Variants in ZNF469 observed in about 807,000 individuals in gnomAD.
ZNF469 encodes the protein zinc finger protein 469.
Under a neutral mutation model 1.0 loss-of-function variants are expected in ZNF469, and 1 was observed. The ratio of observed to expected loss-of-function variants is 1.00; its 90% CI spans 0.35 to 4.73. The LOEUF is 4.73. Ranked by LOEUF, ZNF469 falls within the 30% of genes most tolerant of loss-of-function variation. The pLI is 0.16. For synonymous variants in ZNF469, 2,703 were observed against 2,363.4 expected, an observed-to-expected ratio of 1.14 and a Z score of -4.17; for missense variants, 6,100 against 5,356.3, an observed-to-expected ratio of 1.14 and a Z score of -4.33.
In ZNF469 at chr16:88,430,670, G is replaced by C; in HGVS notation, c.3200G>C (p.Arg1067Pro). 6.7e-7 allele frequency: 1 copy of C among 1,494,704 alleles called. No homozygotes were observed. The highest frequency in any genetic ancestry group is 8.9e-7 in the Non-Finnish European group (1 of 1,129,168). 92.6% of individuals were successfully genotyped at this position (1,494,704 alleles called of 1,614,324 possible). A position where few individuals can be genotyped will look rare whatever the true frequency, so the allele number is the denominator to read the frequency against. Residue 1067 changes from arginine to proline, a missense_variant, in exon 3 of 3, where the codon CGG (arginine) becomes CCG (proline). Coordinates refer to ENST00000565624, the MANE Select transcript of ZNF469 (RefSeq NM_001367624.2). Reference sequence around the variant, plus strand: ...AACAGGCGCCACCGGCGGCTGGGGCGGCGGGCGGGCAGGTGCGGCTCCCTG... The same window carrying C: ...AACAGGCGCCACCGGCGGCTGGGGCCGCGGGCGGGCAGGTGCGGCTCCCTG... ...QKNRRHRRLG[R>P]RAGRCGSLAA...
intron 1 of ZNF469, among the ~76,000 whole-genome samples, chr16:88,395,296 T>G (rs1904626756): frequency 7.9e-6 from 1 of 126,710 alleles, no homozygotes. Context: ...GGTGGATGGA[T>G]TGATGGGTTG....
the ZNF469 span, among the ~76,000 whole-genome samples, chr16:88,112,403 G>C: frequency 1.3e-5 from 2 of 152,160 alleles, no homozygotes; most frequent in Admixed American, 6.5e-5. Flanking sequence ...TCCCACCAAC[G>C]GGGTACGAGG....
chr16:88,354,217 G>A, the ZNF469 span, among the ~76,000 whole-genome samples: 2 of 152,186 alleles, frequency 1.3e-5, no homozygotes, highest in African/African-American at 2.4e-5. Flanking sequence ...CGCAGGAGCC[G>A]CCAGCATTTG....
chr16:88,340,044 AG>A, the ZNF469 span, among the ~76,000 whole-genome samples: 1 of 152,024 alleles, frequency 6.6e-6, no homozygotes, highest in Non-Finnish European at 1.5e-5. Flanking sequence ...TTTAAGCAAG[AG>A]CAGTGCCAGG....
At chr16:88,308,065 G>T in the ZNF469 span, among the ~76,000 whole-genome samples, 1 of 152,208 alleles carries the variant, frequency 6.6e-6, no homozygotes, top group Admixed American at 6.5e-5. Flanking sequence ...ATATCCACTA[G>T]GCCCAATACC....
the ZNF469 span, among the ~76,000 whole-genome samples, chr16:88,258,761 C>T: frequency 6.6e-6 from 1 of 152,154 alleles, no homozygotes; most frequent in East Asian, 1.9e-4. Context: ...AAACGCAGCC[C>T]CAGCCTCATG....
At chr16:88,270,675 G>A in the ZNF469 span, among the ~76,000 whole-genome samples, 1 of 152,220 alleles carries the variant, frequency 6.6e-6, no homozygotes, top group African/African-American at 2.4e-5. Flanking sequence ...CACTCCACGG[G>A]AAAATTCTCC....
At chr16:88,199,119 C>T in the ZNF469 span, among the ~76,000 whole-genome samples, 2 of 152,160 alleles carry the variant, frequency 1.3e-5, no homozygotes, top group African/African-American at 4.8e-5. Flanking sequence ...AGATGTCAGA[C>T]CGCAGCTGAG....
chr16:88,150,917 G>A, the ZNF469 span, among the ~76,000 whole-genome samples: 1 of 152,144 alleles, frequency 6.6e-6, no homozygotes, highest in Admixed American at 6.5e-5. Flanking sequence ...GTAGAGGCAG[G>A]GGTTTGAATT....
At chr16:88,249,241 A>T in the ZNF469 span, among the ~76,000 whole-genome samples, 1 of 151,476 alleles carries the variant, frequency 6.6e-6, no homozygotes, top group Non-Finnish European at 1.5e-5. Flanking sequence ...AAAAAAAGAA[A>T]GAAAGAAATG....
the ZNF469 span, among the ~76,000 whole-genome samples, chr16:88,344,264 G>T: frequency 7.0e-6 from 1 of 143,006 alleles, no homozygotes; most frequent in East Asian, 2.3e-4. Context: ...CGATGGGGGG[G>T]CGGGTTCCGA....
the ZNF469 span, among the ~76,000 whole-genome samples, chr16:88,193,132 A>T: frequency 1.4e-4 from 2 of 14,538 alleles, no homozygotes; most frequent in African/African-American, 2.9e-4. Context: ...GGTGGTGGTG[A>T]TGGTGGTGAT....
chr16:88,209,632 C>T, the ZNF469 span, among the ~76,000 whole-genome samples: 227 of 152,238 alleles, frequency 1.5e-3, no homozygotes, highest in African/African-American at 5.3e-3. Context: ...GTTTTATTTC[C>T]CCTTTCTTTT....
Position 88,437,655 on chromosome 16 carries a change from G to A in ZNF469, c.10185G>A (p.Glu3395=). The A allele has an allele frequency of 6.5e-7, 1 of 1,545,822 alleles. No individual in the cohort carries two copies. The highest frequency in any genetic ancestry group is 8.7e-7 in the Non-Finnish European group (1 of 1,143,714). Residue 3395 remains glutamate (E), a synonymous_variant, in exon 3 of 3, where the codon GAG becomes GAA. Transcript: ENST00000565624. Reference sequence around the variant, plus strand: ...CGCACGGGCTGCTGGAGCGGCCGGAGCTGCAGCACACGCCGCTGTATGCCT... The same window carrying A: ...CGCACGGGCTGCTGGAGCGGCCGGAACTGCAGCACACGCCGCTGTATGCCT... ...GGAHGLLERP[E]LQHTPLYACE...
chr16:88,414,887 G>T (rs1905264806), intron 1 of ZNF469, among the ~76,000 whole-genome samples: 1 of 152,242 alleles, frequency 6.6e-6, no homozygotes, highest in South Asian at 2.1e-4. Flanking sequence ...GGGCGGGGCA[G>T]AGGGGAGCAC....
At chr16:88,173,872 A>G in the ZNF469 span, among the ~76,000 whole-genome samples, 1 of 152,218 alleles carries the variant, frequency 6.6e-6, no homozygotes, top group African/African-American at 2.4e-5. Flanking sequence ...AGGATAAAAG[A>G]GAATCATTAA....
At chr16:88,419,701 C>T (rs1181985954) in intron 1 of ZNF469, among the ~76,000 whole-genome samples, 3 of 152,214 alleles carry the variant, frequency 2.0e-5, no homozygotes, top group African/African-American at 7.2e-5. Context: ...AACGTTCCTC[C>T]AACAGCCAGG....
the ZNF469 span, among the ~76,000 whole-genome samples, chr16:88,253,597 G>T: frequency 3.3e-5 from 5 of 150,902 alleles, no homozygotes; most frequent in African/African-American, 1.2e-4. Flanking sequence ...CAGTGTAATG[G>T]AGTGATCTCG....
the ZNF469 span, among the ~76,000 whole-genome samples, chr16:88,266,841 C>T: frequency 6.6e-6 from 1 of 152,218 alleles, no homozygotes; most frequent in Non-Finnish European, 1.5e-5. Context: ...CAGTGTCGTG[C>T]CCTGAGTACT....
Sources: allele counts gnomAD v4.1 joint callset (sites outside exome capture counted in the v4.1 genomes callset), GRCh38; gene constraint gnomAD v4.1.1; transcripts MANE v1.5; gene names NCBI Gene and HGNC (gene_info 2026-07-23, HGNC 2026-07-21).